MAP4K5: variants seen among roughly 807,000 people sequenced by gnomAD.
MAP4K5 encodes the protein MAPK/ERK kinase kinase kinase 5.
In MAP4K5, 82 loss-of-function variants were observed where a neutral mutation model predicts 135.6. The ratio of observed to expected loss-of-function variants is 0.60; its 90% CI spans 0.51 to 0.73. The LOEUF (loss-of-function observed/expected upper bound fraction) is 0.73, where lower values mean the gene tolerates loss of function less well. Ranked by LOEUF, MAP4K5 falls within the 30% of genes least tolerant of loss-of-function variation. The pLI is 0.00. For synonymous variants in MAP4K5, 347 were observed against 335.0 expected (o/e 1.04, Z -0.39); for missense variants, 907 against 1,010.9 (o/e 0.90, Z 1.39).
intron 6 of MAP4K5, 120 bp downstream of exon 6, chr14:50,482,241 T>A: frequency 1.8e-6 from 1 of 548,632 alleles, no homozygotes; most frequent in Non-Finnish European, 3.1e-6. Flanking sequence ...GTTTTACCCT[T>A]TCTCTTTAAG....
rs1595494497 is a variant in MAP4K5 at position 50,480,933 on chromosome 14, T to C, written c.378+1428A>G. 2.0e-5 allele frequency among the ~76,000 whole-genome samples: 3 copies of C among 152,294 alleles called. No homozygotes were observed. In the East Asian group the frequency reaches 5.8e-4, roughly 29 times the overall value. ...GTAAAAATATAGTATTATAACCTTA[T>C]GGGACCACTGTTGTATATGTAGCCC... On this transcript the variant is annotated intron_variant, in intron 6 of 32. Transcript: ENST00000682126.
chr14:50,447,538 T>A (rs2036383335), intron 15 of MAP4K5, 57 bp from the exon 16 acceptor site: 11 of 964,736 alleles, frequency 1.1e-5, no homozygotes, highest in Middle Eastern at 5.0e-4. Flanking sequence ...TTAACCATTT[T>A]ATTTGATTCA....
intron 15 of MAP4K5, among the ~76,000 whole-genome samples, chr14:50,448,308 C>G (rs2036404304): frequency 6.6e-6 from 1 of 152,140 alleles, no homozygotes; most frequent in African/African-American, 2.4e-5. Flanking sequence ...GGCCACTGGG[C>G]CCGGCCACTT....
Position 50,428,730 on chromosome 14 carries a change from T to A in MAP4K5, c.2258A>T (p.Gln753Leu). 6.7e-7 allele frequency: 1 copy of A among 1,500,872 alleles called. No homozygotes were observed. Among genetic ancestry groups the A allele is most frequent in the Non-Finnish European group, 8.9e-7 (1 of 1,123,936 alleles). The allele number at this position is 1,500,872 out of a possible 1,614,324, so 93.0% of individuals were successfully genotyped here. ...TTTCTTACTTGATTTTAATTTTCCT[T>A]GTAGATTTACAATTTTCACAAATTC... is the stretch of plus-strand genomic sequence containing the variant. ...LDKFVKIVNL[Q>L]GKLKSSKKLA... The change falls in exon 30 of 33, where the codon CAA becomes CTA. Residue 753 changes from glutamine to leucine, a missense_variant. By Grantham distance (113) the Gln-to-Leu change is moderately radical. Coordinates refer to ENST00000682126, the MANE Select transcript of MAP4K5 (RefSeq NM_006575.6).
chr14:50,451,874 C>T (rs971342410), intron 14 of MAP4K5, among the ~76,000 whole-genome samples: 1 of 152,064 alleles, frequency 6.6e-6, no homozygotes, highest in Non-Finnish European at 1.5e-5. Flanking sequence ...AGAACTGTTA[C>T]TAAAGAGATT....
intron 11 of MAP4K5, among the ~76,000 whole-genome samples, chr14:50,465,880 A>G (rs2036821304): frequency 6.6e-6 from 1 of 152,172 alleles, no homozygotes; most frequent in African/African-American, 2.4e-5. Context: ...GAATGAGACC[A>G]TCCTGGCCAA....
intron 16 of MAP4K5, 63 bp downstream of exon 16, chr14:50,447,351 A>G (rs1021840310): frequency 5.3e-6 from 5 of 942,868 alleles, no homozygotes; most frequent in Admixed American, 2.9e-5. Context: ...AATAAATCAC[A>G]TGCCCCATAC....
At chr14:50,540,085 G>A (rs746015036) in intron 2 of MAP4K5, among the ~76,000 whole-genome samples, 4 of 152,176 alleles carry the variant, frequency 2.6e-5, no homozygotes, top group Non-Finnish European at 5.9e-5. Context: ...ATGATGATTG[G>A]GAGCCCACAT....
chr14:50,443,495 C>A (rs2036273063), intron 20 of MAP4K5, among the ~76,000 whole-genome samples: 1 of 152,114 alleles, frequency 6.6e-6, no homozygotes, highest in Non-Finnish European at 1.5e-5. Context: ...ATTAAATAGG[C>A]CTTTGTAGGC....
chr14:50,531,469 T>C (rs964382693), intron 2 of MAP4K5, among the ~76,000 whole-genome samples: 1 of 152,224 alleles, frequency 6.6e-6, no homozygotes, highest in Non-Finnish European at 1.5e-5. Context: ...CAATATTAGT[T>C]TGCTTACAGT....
intron 3 of MAP4K5, among the ~76,000 whole-genome samples, chr14:50,498,706 G>GA (rs1299413616): frequency 6.6e-6 from 1 of 152,138 alleles, no homozygotes; most frequent in Non-Finnish European, 1.5e-5. Context: ...TCACCATGGA[G>GA]AAAAGCATGT....
chr14:50,442,746 TGTATCCAG>T lies in MAP4K5; in HGVS notation c.1542_1549del (p.Trp515SerfsTer2). ...AAACATTTTACCTTTTGTATCAGGA[TGTATCCAG>T]GATGTTGCACAATTAATTTTCAAAG... is the stretch of plus-strand genomic sequence containing the variant. On this transcript the variant is annotated frameshift_variant, in exon 21 of 33. Coordinates refer to ENST00000682126, the MANE Select transcript of MAP4K5 (RefSeq NM_006575.6). LOFTEE classifies it high-confidence loss of function. 6.3e-7 allele frequency: 1 copy of T among 1,595,588 alleles called. No homozygotes were observed. The highest frequency in any genetic ancestry group is 8.5e-7 in the Non-Finnish European group (1 of 1,171,286).
At position 50,500,968 on chromosome 14, in the gene MAP4K5, G is replaced by A. The variant is rs758378452; in HGVS notation, c.166+3832C>T. ...GATAATATGACTTAGCCTATTGATA[G>A]TTGATACTAAGTAGGTGAGAATGGA... On this transcript the variant is annotated intron_variant, in intron 3 of 32. Coordinates refer to ENST00000682126, the MANE Select transcript of MAP4K5 (RefSeq NM_006575.6). Among the ~76,000 whole-genome samples the A allele has an allele frequency of 2.4e-4, 36 of 152,250 alleles. 1 individual carries two copies. Among genetic ancestry groups the A allele is most frequent in the Non-Finnish European group, 4.1e-4 (28 of 68,014 alleles).
rs552197060 is a variant in MAP4K5, at chr14:50,560,465, C to G, written c.-180+575G>C. ...CCTGTTTGGGCGGAGGAACCATGGC[C>G]GAGCGGTACCCGCGTCACCGAATCG... On this transcript the variant is annotated intron_variant, in intron 1 of 8. Transcript: ENST00000555216. 57 of 915,882 alleles carry G rather than the reference C, an allele frequency of 6.2e-5. 2 individuals carry two copies. The South Asian group carries it at 8.5e-4, about 14-fold the overall frequency. The allele number at this position is 915,882 out of a possible 1,614,324, so 56.7% of individuals were successfully genotyped here.
At chr14:50,486,806 T>C (rs1015701435) in intron 3 of MAP4K5, among the ~76,000 whole-genome samples, 2 of 152,052 alleles carry the variant, frequency 1.3e-5, no homozygotes, top group African/African-American at 4.8e-5. Flanking sequence ...TGGTGGCACC[T>C]GTAATCTTTA....
chr14:50,538,967 G>A (rs562301400), intron 2 of MAP4K5, among the ~76,000 whole-genome samples: 12 of 152,260 alleles, frequency 7.9e-5, no homozygotes, highest in Admixed American at 2.6e-4. Context: ...CTATGGGTGC[G>A]CACCACTGTG....
At chr14:50,475,230 G>GT in intron 8 of MAP4K5, 81 bp from the exon 9 acceptor site, 1 of 972,468 alleles carries the variant, frequency 1.0e-6, no homozygotes, top group Non-Finnish European at 1.6e-6. Context: ...AGGCATGGCA[G>GT]TATTAATAAT....
chr14:50,535,920 A>G (rs1402403166), upstream of MAP4K5, among the ~76,000 whole-genome samples: 1 of 152,180 alleles, frequency 6.6e-6, no homozygotes, highest in African/African-American at 2.4e-5. Context: ...TTTTCATGAT[A>G]GTGAATAACT....
chr14:50,465,375 C>A (rs1488118177), intron 11 of MAP4K5, among the ~76,000 whole-genome samples: 2 of 152,090 alleles, frequency 1.3e-5, no homozygotes, highest in Non-Finnish European at 2.9e-5. Flanking sequence ...TGCACAGCTT[C>A]TTTTATTAAA....
Sources: gnomAD v4.1 joint callset for allele counts (sites outside exome capture counted in the v4.1 genomes callset) on GRCh38, gnomAD v4.1.1 for gene constraint, MANE v1.5 for transcripts, NCBI Gene and HGNC (gene_info 2026-07-23, HGNC 2026-07-21) for gene names.